Variants in MAP2K1 observed in about 807,000 individuals in gnomAD.
MAP2K1 encodes the protein mitogen-activated protein kinase kinase 1.
Under a neutral mutation model 46.3 loss-of-function variants are expected in MAP2K1, and 16 were observed. The observed-to-expected ratio is 0.35, with a 90% CI of 0.23 to 0.52. MAP2K1 has a LOEUF of 0.52. Among genes scored for constraint, MAP2K1 ranks in the 20% least tolerant of loss-of-function variants. The pLI, the probability that MAP2K1 is intolerant of heterozygous loss-of-function variation, is 0.94. For missense variants in MAP2K1, 263 were observed against 497.1 expected (o/e 0.53, Z 4.48); for synonymous variants, 183 against 185.6 (o/e 0.99, Z 0.11).
intron 5 of MAP2K1, among the ~76,000 whole-genome samples, chr15:66,477,391 T>C (rs1266913024): frequency 6.6e-6 from 1 of 151,874 alleles, no homozygotes; most frequent in East Asian, 1.9e-4. Flanking sequence ...GAAGGAGAGG[T>C]GTCTGGTTCT....
intron 3 of MAP2K1, among the ~76,000 whole-genome samples, chr15:66,441,972 T>TCC (rs2093505170): frequency 6.6e-6 from 1 of 152,096 alleles, no homozygotes; most frequent in African/African-American, 2.4e-5. Flanking sequence ...TACATCAGGA[T>TCC]CCCCTTAGTG....
chr15:66,485,259 T>A, intron 7 of MAP2K1, 68 bp downstream of exon 7: 1 of 1,420,802 alleles, frequency 7.0e-7, no homozygotes. Flanking sequence ...CAGGGGTTTC[T>A]GGAGGGCTGA....
chr15:66,482,188 C>G (rs1353055543), intron 6 of MAP2K1, among the ~76,000 whole-genome samples: 1 of 152,152 alleles, frequency 6.6e-6, no homozygotes, highest in Non-Finnish European at 1.5e-5. Flanking sequence ...ACATGATAGT[C>G]TTCAGATCCA....
At chr15:66,422,017 C>T (rs111932833) in intron 1 of MAP2K1, among the ~76,000 whole-genome samples, 11 of 151,980 alleles carry the variant, frequency 7.2e-5, no homozygotes, top group African/African-American at 2.7e-4. Context: ...GAGAATTAGG[C>T]GAACTGTGGT....
intron 1 of MAP2K1, among the ~76,000 whole-genome samples, chr15:66,406,896 G>A (rs1437639079): frequency 6.6e-6 from 1 of 152,194 alleles, no homozygotes; most frequent in Non-Finnish European, 1.5e-5. Context: ...GCCGGGCGTG[G>A]TGGTGCATGC....
At chr15:66,436,032 A>G (rs527735280) in intron 2 of MAP2K1, among the ~76,000 whole-genome samples, 19 of 152,154 alleles carry the variant, frequency 1.2e-4, no homozygotes, top group South Asian at 6.2e-4. Flanking sequence ...GGGCTCTTCA[A>G]TGTTTTTTTG....
intron 9 of MAP2K1, 112 bp from the exon 10 acceptor site, chr15:66,489,606 G>A: frequency 1.2e-6 from 1 of 856,062 alleles, no homozygotes; most frequent in Non-Finnish European, 2.0e-6. Context: ...GATGAATCAA[G>A]CCCAGGCAAT....
At chr15:66,481,921 C>T (rs1892923984) in intron 6 of MAP2K1, 42 bp downstream of exon 6, 1 of 1,604,764 alleles carries the variant, frequency 6.2e-7, no homozygotes, top group African/African-American at 1.3e-5. Flanking sequence ...CTTGTACGGT[C>T]AGGGAGAGGA....
intron 6 of MAP2K1, 68 bp downstream of exon 6, chr15:66,481,947 T>G: frequency 6.4e-7 from 1 of 1,568,624 alleles, no homozygotes; most frequent in South Asian, 1.1e-5. Flanking sequence ...GTGGGTGCCT[T>G]TCCTGTGGAG....
At chr15:66,481,719 TCA>T in intron 5 of MAP2K1, 34 bp from the exon 6 acceptor site, 1 of 1,608,366 alleles carries the variant, frequency 6.2e-7, no homozygotes, top group Non-Finnish European at 8.5e-7. Context: ...TCTACCTGTG[TCA>T]GTTCCCTCCT....
intron 4 of MAP2K1, among the ~76,000 whole-genome samples, 161 bp downstream of exon 4, chr15:66,443,518 A>C (rs920381953): frequency 2.6e-5 from 4 of 152,094 alleles, no homozygotes; most frequent in Non-Finnish European, 4.4e-5. Flanking sequence ...GTCTATATAC[A>C]CTATTCTCTC....
intron 1 of MAP2K1, among the ~76,000 whole-genome samples, chr15:66,417,929 T>C (rs1006656458): frequency 4.6e-5 from 7 of 152,168 alleles, no homozygotes; most frequent in Non-Finnish European, 8.8e-5. Context: ...ACCTTTTGCC[T>C]TGGGGACCCG....
At chr15:66,468,228 A>C (rs1892515042) in intron 5 of MAP2K1, among the ~76,000 whole-genome samples, 1 of 152,216 alleles carries the variant, frequency 6.6e-6, no homozygotes, top group Non-Finnish European at 1.5e-5. Context: ...GACATATTAG[A>C]CATACTGATA....
At chr15:66,387,452 C>G (rs1250129113) in intron 1 of MAP2K1, 25 bp downstream of exon 1, 3 of 1,550,224 alleles carry the variant, frequency 1.9e-6, no homozygotes, top group Non-Finnish European at 2.6e-6. Flanking sequence ...GGCGGTGAAC[C>G]TCGGGGCCCG....
At chr15:66,399,656 G>A (rs910662345) in intron 1 of MAP2K1, among the ~76,000 whole-genome samples, 7 of 152,146 alleles carry the variant, frequency 4.6e-5, no homozygotes, top group African/African-American at 1.4e-4. Context: ...GAGTGCAGTG[G>A]CACGATCTCA....
chr15:66,401,932 A>G, intron 1 of MAP2K1: 1 of 1,324,808 alleles, frequency 7.5e-7, no homozygotes, highest in Non-Finnish European at 1.0e-6. Context: ...GGGTCGAAGG[A>G]AATGAAGCTG....
At chr15:66,459,204 T>TCGGGAGGC (rs1289543046) in intron 5 of MAP2K1, among the ~76,000 whole-genome samples, 1 of 150,500 alleles carries the variant, frequency 6.6e-6, no homozygotes. Flanking sequence ...TCCCAGCTAC[T>TCGGGAGGC]TGGGAGGCTG....
At chr15:66,477,456 A>C (rs1285446443) in intron 5 of MAP2K1, among the ~76,000 whole-genome samples, 2 of 152,178 alleles carry the variant, frequency 1.3e-5, no homozygotes, top group African/African-American at 4.8e-5. Flanking sequence ...CTATTCCTAT[A>C]ACATGGTGTG....
intron 5 of MAP2K1, among the ~76,000 whole-genome samples, chr15:66,473,534 T>A (rs1407643800): frequency 1.3e-5 from 2 of 151,948 alleles, no homozygotes; most frequent in East Asian, 3.9e-4. Flanking sequence ...AAAAAAAGAG[T>A]GCTGTCAGGG....
Sources: gnomAD v4.1 joint callset for allele counts (sites outside exome capture counted in the v4.1 genomes callset) on GRCh38, gnomAD v4.1.1 for gene constraint, MANE v1.5 for transcripts, NCBI Gene and HGNC (gene_info 2026-07-23, HGNC 2026-07-21) for gene names.